The following MYO7A variants were observed in gnomAD, a reference collection of about 807,000 sequenced individuals.
MYO7A encodes myosin VIIA.
A neutral mutation model predicts 263.8 loss-of-function variants in MYO7A; 210 were observed. The observed-to-expected ratio is 0.80, with a 90% CI of 0.71 to 0.89. MYO7A has a LOEUF of 0.89. Among genes scored for constraint, MYO7A ranks in the 40% least tolerant of loss-of-function variants. MYO7A has a pLI of 0.00. For synonymous variants in MYO7A, 1,239 were observed against 1,197.3 expected (o/e 1.03, Z -0.72); for missense variants, 2,820 against 2,968.3 (o/e 0.95, Z 1.16).
At chr11:77,174,630 C>T (rs1555078715) in intron 16 of MYO7A, 126 bp from the exon 17 acceptor site, 9 of 968,206 alleles carry the variant, frequency 9.3e-6, no homozygotes, top group African/African-American at 1.6e-5. Flanking sequence ...CCTGTCCCAG[C>T]TTTGCTCCTC....
intron 25 of MYO7A, among the ~76,000 whole-genome samples, 162 bp downstream of exon 25, chr11:77,182,762 A>G (rs1418976277): frequency 6.6e-6 from 1 of 152,234 alleles, no homozygotes; most frequent in Non-Finnish European, 1.5e-5. Context: ...GTGGGAACAA[A>G]TGTGTGCAAC....
At position 77,215,017 on chromosome 11, in the gene MYO7A, TTGAC is replaced by T. The variant is rs1958058420; in HGVS notation, c.*323_*326del. The T allele has an allele frequency of 3.1e-6, 1 of 325,126 alleles. No homozygotes were observed. Among genetic ancestry groups the T allele is most frequent in the Non-Finnish European group, 5.7e-6 (1 of 174,432 alleles). 20.1% of individuals were successfully genotyped at this position (325,126 alleles called of 1,614,324 possible). On this transcript the variant is annotated 3_prime_UTR_variant, in exon 49 of 49. Coordinates refer to ENST00000409709, the MANE Select transcript of MYO7A (RefSeq NM_000260.4). Reference sequence around the variant, plus strand: ...GACCAGCCCCACCATGCAACTTCCTTTGACTTTCTGTGTACCACTGGGATAGAGG... The same window carrying T: ...GACCAGCCCCACCATGCAACTTCCTTTTTCTGTGTACCACTGGGATAGAGG...
intron 8 of MYO7A, 116 bp downstream of exon 8, chr11:77,157,508 C>T: frequency 1.5e-6 from 1 of 684,764 alleles, no homozygotes; most frequent in Non-Finnish European, 2.5e-6. Context: ...GTGCCAGCTT[C>T]TTGCTGGCTT....
intron 22 of MYO7A, among the ~76,000 whole-genome samples, chr11:77,180,833 G>A (rs1469434790): frequency 6.6e-6 from 1 of 152,208 alleles, no homozygotes; most frequent in East Asian, 1.9e-4. Context: ...AACACTTGCA[G>A]TGTGGCCTGT....
Position 77,207,294 on chromosome 11 carries a change from C to A in MYO7A, c.5748C>A (p.Phe1916Leu). 6.2e-7 allele frequency: 1 copy of A among 1,609,190 alleles called. No individual in the cohort carries two copies. Among genetic ancestry groups the A allele is most frequent in the African/African-American group, 1.3e-5 (1 of 74,930 alleles). Reference sequence around the variant, plus strand: ...GTGCTCACTGCCCCTCCCAGGCCTTCGAAGTGGAGTCCAGCACCAAGGCCA... The same window carrying A: ...GTGCTCACTGCCCCTCCCAGGCCTTAGAAGTGGAGTCCAGCACCAAGGCCA... ...VYFPDDTDEAFEVESSTKAKD... is the reference protein window; with the variant it reads ...VYFPDDTDEALEVESSTKAKD... Residue 1916 changes from phenylalanine (F) to leucine (L), a missense_variant, in exon 42 of 49, where the codon TTC becomes TTA. Physicochemically the swap from Phe to Leu is conservative, Grantham distance 22 (BLOSUM62 0). Coordinates refer to ENST00000409709, the MANE Select transcript of MYO7A (RefSeq NM_000260.4).
Position 77,202,338 on chromosome 11 carries a change from T to C in MYO7A, c.5082T>C (p.Val1694=). 1 of 1,581,798 alleles carries C rather than the reference T, an allele frequency of 6.3e-7. No homozygotes were observed. Among genetic ancestry groups the C allele is most frequent in the Admixed American group, 1.8e-5 (1 of 55,800 alleles). ...TGACTCCCGATCAGAGGCAGGACGT[T>C]GTCCGGCTCTTGCAGCTGCGAACGG... The part of the protein sequence containing the change: ...VTMTPDQRQD[V]VRLLQLRTAE... Residue 1694 remains valine (V), a synonymous_variant, in exon 37 of 49, where the codon GTT becomes GTC. Coordinates refer to ENST00000409709, the MANE Select transcript of MYO7A (RefSeq NM_000260.4).
At chr11:77,199,336 G>A (rs1440678673) in intron 34 of MYO7A, among the ~76,000 whole-genome samples, 199 bp from the exon 35 acceptor site, 3 of 152,230 alleles carry the variant, frequency 2.0e-5, no homozygotes, top group East Asian at 1.9e-4. Flanking sequence ...GGAGGAAGTG[G>A]CATGTAGGTT....
rs770713961 is a variant in MYO7A at position 77,197,463 on chromosome 11, G to C, written c.4324-18G>C. The C allele has an allele frequency of 3.2e-6, 5 of 1,544,750 alleles. No individual in the cohort carries two copies. In the Admixed American group the frequency reaches 9.4e-5, roughly 29 times the overall value. ...CTCGTATGTTGTCTTCTGTCCCTCT[G>C]TCCCTCTCTCCTTCCAGGGGATTTA... On this transcript the variant is annotated intron_variant, in intron 32 of 48. Coordinates refer to ENST00000409709, the MANE Select transcript of MYO7A (RefSeq NM_000260.4).
At chr11:77,131,138 C>T (rs782013208) in intron 2 of MYO7A, among the ~76,000 whole-genome samples, 54 of 152,206 alleles carry the variant, frequency 3.5e-4, no homozygotes, top group Non-Finnish European at 4.7e-4. Context: ...CTCCAGCCCC[C>T]CTTCCTACTG....
chr11:77,181,348 C>T lies in MYO7A; in HGVS notation c.2695-32C>T, dbSNP rs1375681562. ...TGAGGCTGTGGCACCGGGGGCTGAC[C>T]CCGTGTCTTCTGTGTCACCCCAATT... On this transcript the variant is annotated intron_variant, in intron 22 of 48. Coordinates refer to ENST00000409709, the MANE Select transcript of MYO7A (RefSeq NM_000260.4). 1.3e-5 allele frequency: 20 copies of T among 1,530,830 alleles called. No individual in the cohort carries two copies. In the African/African-American group the frequency reaches 1.4e-4, roughly 11 times the overall value. 94.8% of individuals were successfully genotyped at this position (1,530,830 alleles called of 1,614,324 possible). A position where few individuals can be genotyped will look rare whatever the true frequency, so the allele number is the denominator to read the frequency against.
chr11:77,195,802 A>G (rs185542211), intron 32 of MYO7A, among the ~76,000 whole-genome samples: 1 of 152,360 alleles, frequency 6.6e-6, no homozygotes, highest in East Asian at 1.9e-4. Context: ...TAGGTCTGCC[A>G]TAACAAAGTG....
Position 77,147,894 on chromosome 11 carries a change from A to C in MYO7A, c.229A>C (p.Asn77His), listed in dbSNP as rs781999112. The C allele has an allele frequency of 1.9e-6, 3 of 1,589,770 alleles. No homozygotes were observed. The East Asian group carries it at 6.9e-5, about 37-fold the overall frequency. The change falls in exon 4 of 49, where the codon AAC becomes CAC. Residue 77 changes from asparagine (N) to histidine (H), a missense_variant. Transcript: ENST00000409709. ...VEDMIRLGDLNEAGILRNLLI... is the reference protein window; with the variant it reads ...VEDMIRLGDLHEAGILRNLLI... The stretch of plus-strand genomic sequence containing the variant: ...GGACATGATCCGCCTGGGGGACCTC[A>C]ACGAGGCGGGCATCTTGCGCAACCT...
intron 41 of MYO7A, 136 bp downstream of exon 41, chr11:77,206,338 C>A (rs1452838482): frequency 3.0e-6 from 2 of 677,266 alleles, no homozygotes; most frequent in Non-Finnish European, 4.9e-6. Context: ...GTAGTGGAGT[C>A]GGGGCTCAGG....
intron 27 of MYO7A, among the ~76,000 whole-genome samples, chr11:77,185,791 T>C (rs1555088098): frequency 1.3e-5 from 2 of 152,238 alleles, no homozygotes; most frequent in Non-Finnish European, 2.9e-5. Flanking sequence ...TCACTATCTA[T>C]GGCAGCAATA....
chr11:77,191,786 C>T (rs1227140815), intron 30 of MYO7A, among the ~76,000 whole-genome samples: 1 of 152,236 alleles, frequency 6.6e-6, no homozygotes, highest in East Asian at 1.9e-4. Flanking sequence ...TTTCCAGGTA[C>T]TGTCTGTTCA....
intron 48 of MYO7A, among the ~76,000 whole-genome samples, chr11:77,214,252 C>T (rs553928031): frequency 1.3e-5 from 2 of 152,292 alleles, no homozygotes; most frequent in East Asian, 3.9e-4. Flanking sequence ...AGCCCTTTAG[C>T]CCCCCGAGTT....
chr11:77,214,041 C>T lies in MYO7A; in HGVS notation c.6558+62C>T, dbSNP rs568113643. On this transcript the variant is annotated intron_variant, in intron 48 of 48. Coordinates refer to ENST00000409709, the MANE Select transcript of MYO7A (RefSeq NM_000260.4). ...GCCTTGCCTGCAGCGTAGCCAGCCT[C>T]CCAGGGCCTGGAACAAACACAGTAG... 3.6e-4 allele frequency: 586 copies of T among 1,606,448 alleles called. 4 individuals are homozygous for T. The African/African-American group carries it at 7.1e-3, about 19-fold the overall frequency.
At position 77,213,898 on chromosome 11, in the gene MYO7A, C is replaced by T. The variant is rs754527521; in HGVS notation, c.6477C>T (p.Asn2159=). The T allele has an allele frequency of 1.2e-6, 2 of 1,613,956 alleles. No individual in the cohort carries two copies. Among genetic ancestry groups the T allele is most frequent in the African/African-American group, 1.3e-5 (1 of 74,954 alleles). Residue 2159 remains asparagine, a synonymous_variant, in exon 48 of 49, where the codon AAC becomes AAT. Transcript: ENST00000409709. ...LTTHPFTKIS[N]WSSGNTYFHI... is the part of the protein sequence containing the mutation. ...CTCATCCCTTCACCAAGATCTCCAA[C>T]TGGAGCAGCGGCAACACCTACTTCC...
intron 4 of MYO7A, among the ~76,000 whole-genome samples, chr11:77,155,650 A>C (rs892719356): frequency 5.9e-5 from 9 of 152,220 alleles, no homozygotes; most frequent in Non-Finnish European, 7.3e-5. Flanking sequence ...GAAGAGAAGG[A>C]AATCTAGGCT....
Sources: allele counts gnomAD v4.1 joint callset (sites outside exome capture counted in the v4.1 genomes callset), GRCh38; gene constraint gnomAD v4.1.1; transcripts MANE v1.5; gene names NCBI Gene and HGNC (gene_info 2026-07-23, HGNC 2026-07-21).